Variants in DDX54 observed in about 807,000 individuals in gnomAD.
The protein encoded by DDX54 is ATP-dependent RNA helicase DDX54.
A neutral mutation model predicts 105.5 loss-of-function variants in DDX54; 67 were observed. That is an observed-to-expected ratio of 0.64 (90% CI 0.52 to 0.78). DDX54 has a LOEUF of 0.78. Ranked by LOEUF, DDX54 falls within the 30% of genes least tolerant of loss-of-function variation. The probability of loss-of-function intolerance (pLI) is 0.00; values close to 1 mark genes in which losing one functional copy is unlikely to be tolerated. For synonymous variants in DDX54, 514 were observed against 509.9 expected, an observed-to-expected ratio of 1.01 and a Z score of -0.11; for missense variants, 1,206 against 1,230.5, an observed-to-expected ratio of 0.98 and a Z score of 0.30.
At position 113,172,343 on chromosome 12, in the gene DDX54, G is replaced by A. The variant is rs1364335173; in HGVS notation, c.1279+10C>T. The A allele has an allele frequency of 6.2e-7, 1 of 1,612,242 alleles. No individual in the cohort carries two copies. The highest frequency in any genetic ancestry group is 1.3e-5 in the African/African-American group (1 of 74,904). ...CCTGCCTGCCCCAGGGCCAGCCACG[G>A]GCTGCTTACCCACGCGGTGCAGGAA... On this transcript the variant is annotated intron_variant, in intron 11 of 19. Coordinates refer to ENST00000306014, the MANE Select transcript of DDX54 (RefSeq NM_024072.4).
intron 19 of DDX54, among the ~76,000 whole-genome samples, chr12:113,159,868 C>T (rs964699789): frequency 2.0e-5 from 3 of 152,148 alleles, no homozygotes; most frequent in African/African-American, 7.2e-5. Context: ...TCCTCCTCCT[C>T]CTCTTCCCCA....
intron 11 of DDX54, 85 bp downstream of exon 11, chr12:113,172,268 G>T: frequency 2.8e-6 from 4 of 1,444,998 alleles, no homozygotes; most frequent in Non-Finnish European, 3.8e-6. Context: ...CCCATGTGCA[G>T]TGTCAAGAGT....
chr12:113,167,366 G>A (rs116960533), intron 12 of DDX54, among the ~76,000 whole-genome samples: 1,632 of 152,158 alleles, frequency 0.011, 15 homozygotes, highest in Middle Eastern at 0.024. Context: ...GACAGAGTGA[G>A]CCCCTCTCAA....
At position 113,163,072 on chromosome 12, in the gene DDX54, T is replaced by C. The variant is rs1400366751; in HGVS notation, c.2082-27A>G. Reference sequence around the variant, plus strand: ...TGCAGAGGGAGAGTGGGAGACATAATTGGATTGATGGGACCCAGCGGACCC... The same window carrying C: ...TGCAGAGGGAGAGTGGGAGACATAACTGGATTGATGGGACCCAGCGGACCC... On this transcript the variant is annotated intron_variant, in intron 16 of 19. Transcript: ENST00000306014. The surrounding 1 kb of genome is among the most constrained non-coding windows in gnomAD (Gnocchi z 5.9). 3.1e-6 allele frequency: 5 copies of C among 1,609,316 alleles called. No individual in the cohort carries two copies. Among genetic ancestry groups the C allele is most frequent in the Admixed American group, 3.3e-5 (2 of 59,730 alleles).
chr12:113,159,423 G>C, intron 19 of DDX54: 1 of 432,320 alleles, frequency 2.3e-6, no homozygotes, highest in East Asian at 3.9e-5. Context: ...CATGGGTGAA[G>C]AGTAAATGCA....
In DDX54 at chr12:113,163,004, G is replaced by T; in HGVS notation, c.2123C>A (p.Ala708Glu). Residue 708 changes from alanine to glutamate, a missense_variant, in exon 17 of 20, where the codon GCA becomes GAA. Transcript: ENST00000306014. The surrounding 1 kb of genome is among the most constrained non-coding windows in gnomAD (Gnocchi z 5.9). Reference protein sequence around the residue: ...SGEGGAFEQQAAGAVLDLMGD... With the variant: ...SGEGGAFEQQEAGAVLDLMGD... ...CATCAAGTCCAGGACAGCGCCAGCT[G>T]CCTGCTGCTCAAAGGCTCCCCCTTC... 1 of 1,609,550 alleles carries T rather than the reference G, an allele frequency of 6.2e-7. No homozygotes were observed.
chr12:113,162,580 G>A, intron 17 of DDX54: 3 of 322,562 alleles, frequency 9.3e-6, no homozygotes, highest in Non-Finnish European at 1.7e-5. Flanking sequence ...ATGGAGGGCA[G>A]CTCACTCGAT....
rs554666224 is a variant in DDX54 at position 113,174,681 on chromosome 12, C to T, written c.1027G>A (p.Val343Met). ...NVVRPQDQTV[V>M]FVATKHHAEY... is the part of the protein sequence containing the mutation. ...GCGTGGTGCTTCGTGGCCACAAACA[C>T]CACGGTCTGGTCCTGGGGCCGCACC... The change falls in exon 10 of 20, where the codon GTG becomes ATG. Residue 343 changes from valine (V) to methionine (M), a missense_variant. By Grantham distance (21) the Val-to-Met change is conservative. Coordinates refer to ENST00000306014, the MANE Select transcript of DDX54 (RefSeq NM_024072.4). 2 of 1,610,614 alleles carry T rather than the reference C, an allele frequency of 1.2e-6. No homozygotes were observed. Among genetic ancestry groups the T allele is most frequent in the Admixed American group, 1.7e-5 (1 of 59,966 alleles).
In DDX54 at chr12:113,161,873, A is replaced by G; in HGVS notation, c.2300+20T>C. The G allele has an allele frequency of 7.3e-7, 1 of 1,361,332 alleles. No homozygotes were observed. The allele number at this position is 1,361,332 out of a possible 1,614,324, so 84.3% of individuals were successfully genotyped here. ...AAGCTCCTCGGCCCCGCCCCTCCCC[A>G]GCCACGCCCCTCAGGATACAGGTCT... is the stretch of plus-strand genomic sequence containing the variant. On this transcript the variant is annotated intron_variant, in intron 18 of 19. Coordinates refer to ENST00000306014, the MANE Select transcript of DDX54 (RefSeq NM_024072.4).
intron 7 of DDX54, among the ~76,000 whole-genome samples, chr12:113,176,405 T>C (rs1025669548): frequency 7.9e-5 from 12 of 152,022 alleles, no homozygotes; most frequent in African/African-American, 2.9e-4. Context: ...CCATCTCTAC[T>C]AAAAATACAA....
At position 113,157,187 on chromosome 12, in the gene DDX54, GATC is replaced by G. The variant is rs1217251783; in HGVS notation, c.*1687_*1689del. On this transcript the variant is annotated 3_prime_UTR_variant, in exon 20 of 20. Transcript: ENST00000306014. Reference sequence around the variant, plus strand: ...CCCTCAAGTTCTAGTTTTTACAATGGATCCATGGTATTTATTAAGTTCATATTC... The same window carrying G: ...CCCTCAAGTTCTAGTTTTTACAATGGCATGGTATTTATTAAGTTCATATTC... The G allele has an allele frequency of 6.0e-6, 1 of 166,740 alleles. No individual in the cohort carries two copies. The highest frequency in any genetic ancestry group is 2.4e-5 in the African/African-American group (1 of 42,086). The allele number at this position is 166,740 out of a possible 1,614,324, so 10.3% of individuals were successfully genotyped here. A position where few individuals can be genotyped will look rare whatever the true frequency, so the allele number is the denominator to read the frequency against.
Position 113,165,729 on chromosome 12 carries a change from G to A in DDX54, c.1646-12C>T. 3.1e-6 allele frequency: 5 copies of A among 1,612,470 alleles called. No homozygotes were observed. Among genetic ancestry groups the A allele is most frequent in the Non-Finnish European group, 4.2e-6 (5 of 1,179,142 alleles). ...CTCAAAACGCGAGCCTGGTAGGAAA[G>A]CAGCAAGGTGTGAGGCTGTGGGTGG... On this transcript the variant is annotated splice_polypyrimidine_tract_variant and intron_variant, in intron 13 of 19. Coordinates refer to ENST00000306014, the MANE Select transcript of DDX54 (RefSeq NM_024072.4).
At chr12:113,169,695 C>A in intron 12 of DDX54, 75 bp downstream of exon 12, 1 of 1,542,670 alleles carries the variant, frequency 6.5e-7, no homozygotes, top group Non-Finnish European at 8.8e-7. Context: ...CAAACCCAGC[C>A]CTACCTCCTC....
chr12:113,184,482 A>T (rs1397545125), intron 1 of DDX54, among the ~76,000 whole-genome samples: 1 of 152,224 alleles, frequency 6.6e-6, no homozygotes. Context: ...GTGAGGATTA[A>T]ATAATAAGGC....
At chr12:113,161,228 T>A (rs148418741) in intron 19 of DDX54, 42 bp downstream of exon 19, 1 of 1,524,974 alleles carries the variant, frequency 6.6e-7, no homozygotes, top group Non-Finnish European at 9.0e-7. Flanking sequence ...CCACAACTGC[T>A]CTGCCTACCT....
intron 3 of DDX54, 96 bp downstream of exon 3, chr12:113,179,838 TG>T: frequency 3.6e-6 from 5 of 1,378,244 alleles, no homozygotes; most frequent in Non-Finnish European, 5.2e-6. Context: ...GGGCAGGAGA[TG>T]TGACAGGTGG....
At chr12:113,180,106 G>C in intron 2 of DDX54, 101 bp from the exon 3 acceptor site, 1 of 1,093,888 alleles carries the variant, frequency 9.1e-7, no homozygotes, top group Non-Finnish European at 1.4e-6. Context: ...ACAATAAACA[G>C]CAAGGGAAAA....
At chr12:113,165,758 C>A in intron 13 of DDX54, 41 bp from the exon 14 acceptor site, 1 of 1,604,742 alleles carries the variant, frequency 6.2e-7, no homozygotes, top group Non-Finnish European at 8.5e-7. Context: ...TGGGTGGGGT[C>A]AGCAAGGCCC....
In DDX54 at chr12:113,165,974, C is replaced by G. The variant is rs755411786; in HGVS notation, c.1473G>C (p.Glu491Asp). The change falls in exon 13 of 20, where the codon GAG becomes GAC. Residue 491 changes from glutamate (E) to aspartate (D), a missense_variant. Around this residue, in one of 3 missense-constraint regions of DDX54, gnomAD observed 961 missense variants for 1,019.1 expected, o/e 0.94. Transcript: ENST00000306014. ...GRVPQSVVDE[E>D]DSGLQSTLEA... ...CCAGGGTGCTCTGCAGACCACTGTC[C>G]TCCTCGTCCACCACACTCTGTGGCA... 9.3e-6 allele frequency: 15 copies of G among 1,613,040 alleles called. No homozygotes were observed. Among genetic ancestry groups the G allele is most frequent in the Non-Finnish European group, 1.2e-5 (14 of 1,180,018 alleles).
Sources: allele counts gnomAD v4.1 joint callset (sites outside exome capture counted in the v4.1 genomes callset), GRCh38; gene constraint gnomAD v4.1.1; regional missense constraint gnomAD v4.1.1; non-coding constraint Gnocchi (gnomAD v3.1); transcripts MANE v1.5; gene names NCBI Gene and HGNC (gene_info 2026-07-23, HGNC 2026-07-21).